CNTNAP2: variants seen among roughly 807,000 people sequenced by gnomAD.
The protein encoded by CNTNAP2 is contactin associated protein 2, also known as contactin-associated protein-like 2.
CNTNAP2 carries 98 observed loss-of-function variants against 155.2 expected under a neutral mutation model. That is an observed-to-expected ratio of 0.63 (90% CI 0.54 to 0.75). The LOEUF is 0.75. Among genes scored for constraint, CNTNAP2 ranks in the 30% least tolerant of loss-of-function variants. The pLI is 0.00. For missense variants in CNTNAP2, 1,727 were observed against 1,688.1 expected (o/e 1.02, Z -0.40); for synonymous variants, 651 against 631.2 (o/e 1.03, Z -0.47).
intron 17 of CNTNAP2, among the ~76,000 whole-genome samples, chr7:148,161,538 A>G (rs1805540085): frequency 6.6e-6 from 1 of 151,892 alleles, no homozygotes; most frequent in Non-Finnish European, 1.5e-5. Context: ...CATGTCCCTC[A>G]CCCACCTCCC....
At position 147,308,375 on chromosome 7, in the gene CNTNAP2, G is replaced by A. The variant is rs377119401; in HGVS notation, c.1498+8085G>A. ...TTTTGGTAAAAGGCTGTAGTTGGAT[G>A]AGGGAGAACAGTGGCAACTATTGCA... On this transcript the variant is annotated intron_variant, in intron 9 of 23. Coordinates refer to ENST00000361727, the MANE Select transcript of CNTNAP2 (RefSeq NM_014141.6). Among the ~76,000 whole-genome samples the A allele has an allele frequency of 3.3e-5, 5 of 152,178 alleles. No individual in the cohort carries two copies. The South Asian group carries it at 8.3e-4, about 25-fold the overall frequency.
intron 13 of CNTNAP2, among the ~76,000 whole-genome samples, chr7:147,812,911 A>T (rs1415633795): frequency 6.6e-6 from 1 of 152,144 alleles, no homozygotes; most frequent in Admixed American, 6.5e-5. Context: ...CATACCTATT[A>T]AGAGATCTGT....
intron 1 of CNTNAP2, among the ~76,000 whole-genome samples, chr7:146,300,549 A>G (rs1800589780): frequency 1.3e-5 from 2 of 152,076 alleles, no homozygotes; most frequent in African/African-American, 2.4e-5. Context: ...AAAATGTTAT[A>G]TTTTCCATAT....
At chr7:147,309,122 G>C (rs1408539197) in intron 9 of CNTNAP2, among the ~76,000 whole-genome samples, 3 of 152,102 alleles carry the variant, frequency 2.0e-5, no homozygotes, top group African/African-American at 4.8e-5. Context: ...ATACTACTGG[G>C]GTTGGAGGGG....
chr7:147,084,040 G>A (rs10265461), intron 4 of CNTNAP2, among the ~76,000 whole-genome samples: 3 of 123,070 alleles, frequency 2.4e-5, no homozygotes, highest in East Asian at 4.7e-4. Flanking sequence ...ATACATATAT[G>A]CATAATGCTA....
Position 146,928,817 on chromosome 7 carries a change from C to T in CNTNAP2, c.402+88913C>T, listed in dbSNP as rs184555586. ...CCTGGCTCGGAGGGTCCTACGCCCACGGAGTCTCGCTGGTTGCTAGCACAG... is the reference window on the plus strand; with the variant it reads ...CCTGGCTCGGAGGGTCCTACGCCCATGGAGTCTCGCTGGTTGCTAGCACAG... On this transcript the variant is annotated intron_variant, in intron 3 of 23. Transcript: ENST00000361727. Among the ~76,000 whole-genome samples the T allele has an allele frequency of 9.4e-3, 1,435 of 152,308 alleles. 11 individuals carry two copies. Among genetic ancestry groups the T allele is most frequent in the Middle Eastern group, 0.051 (15 of 294 alleles).
intron 1 of CNTNAP2, among the ~76,000 whole-genome samples, chr7:146,267,506 A>C (rs1165170970): frequency 1.3e-5 from 2 of 152,148 alleles, no homozygotes; most frequent in African/African-American, 4.8e-5. Context: ...TATATCTTGA[A>C]ATTTAAACCC....
chr7:148,000,186 G>T (rs543944251), intron 15 of CNTNAP2, among the ~76,000 whole-genome samples: 1 of 152,118 alleles, frequency 6.6e-6, no homozygotes, highest in Non-Finnish European at 1.5e-5. Flanking sequence ...GACACCCACC[G>T]CTCCCCTGCA....
At chr7:147,426,101 G>A (rs1797373194) in intron 10 of CNTNAP2, among the ~76,000 whole-genome samples, 1 of 151,876 alleles carries the variant, frequency 6.6e-6, no homozygotes, top group African/African-American at 2.4e-5. Context: ...CCAAGATTCT[G>A]TATCAGTCAG....
chr7:148,190,891 G>A (rs1275027472), intron 18 of CNTNAP2: 1 of 151,436 alleles, frequency 6.6e-6, no homozygotes, highest in Non-Finnish European at 1.5e-5. Context: ...AGCAAAAAAA[G>A]AAAAATAGAA....
At position 146,161,598 on chromosome 7, in the gene CNTNAP2, T is replaced by C. The variant is rs148663340; in HGVS notation, c.97+44625T>C. ...AATGGCCATACTACCCAAGGTAATT[T>C]ATAGATTCAATGGCATCACCATCAA... On this transcript the variant is annotated intron_variant, in intron 1 of 23. Coordinates refer to ENST00000361727, the MANE Select transcript of CNTNAP2 (RefSeq NM_014141.6). Among the ~76,000 whole-genome samples the C allele has an allele frequency of 1.8e-4, 27 of 152,318 alleles. No individual in the cohort carries two copies. In the East Asian group the frequency reaches 4.8e-3, roughly 27 times the overall value.
intron 1 of CNTNAP2, among the ~76,000 whole-genome samples, chr7:146,386,026 G>A (rs1218385739): frequency 6.6e-6 from 1 of 152,034 alleles, no homozygotes; most frequent in African/African-American, 2.4e-5. Context: ...GCAGATTACT[G>A]GCCTCATTCC....
chr7:146,305,840 G>A (rs1443983468), intron 1 of CNTNAP2, among the ~76,000 whole-genome samples: 1 of 152,070 alleles, frequency 6.6e-6, no homozygotes, highest in Non-Finnish European at 1.5e-5. Context: ...AAAAGAACTA[G>A]AGAAGCAAGA....
At chr7:146,890,355 C>A (rs1241279261) in intron 3 of CNTNAP2, among the ~76,000 whole-genome samples, 1 of 152,090 alleles carries the variant, frequency 6.6e-6, no homozygotes, top group Non-Finnish European at 1.5e-5. Context: ...GTGCTTTGCC[C>A]AAGGACCCAC....
chr7:148,229,751 C>T lies in CNTNAP2; in HGVS notation c.3353C>T (p.Thr1118Ile), dbSNP rs888942498. 2 of 1,614,064 alleles carry T rather than the reference C, an allele frequency of 1.2e-6. No homozygotes were observed. Among genetic ancestry groups the T allele is most frequent in the Non-Finnish European group, 1.7e-6 (2 of 1,180,002 alleles). ...GGACAGCCCCACAGTGTCAACATCA[C>T]CCGCCACGAGAAGACCATCTTTCTC... Reference protein sequence around the residue: ...ANGQPHSVNITRHEKTIFLKL... With the variant: ...ANGQPHSVNIIRHEKTIFLKL... Residue 1118 changes from threonine (T) to isoleucine (I), a missense_variant, in exon 20 of 24, where the codon ACC (threonine) becomes ATC (isoleucine). Coordinates refer to ENST00000361727, the MANE Select transcript of CNTNAP2 (RefSeq NM_014141.6).
Position 147,396,038 on chromosome 7 carries a change from A to G in CNTNAP2, c.1670+258A>G, listed in dbSNP as rs189125369. Among the ~76,000 whole-genome samples the G allele has an allele frequency of 5.4e-5, 8 of 148,216 alleles. No homozygotes were observed. The East Asian group carries it at 1.6e-3, about 29-fold the overall frequency. On this transcript the variant is annotated intron_variant, in intron 10 of 23. Transcript: ENST00000361727. The stretch of plus-strand genomic sequence containing the variant: ...ATATGCTATATATGAGATATATCCT[A>G]TATGTGCTATATGAGATATATCATA...
chr7:146,804,774 G>A (rs1802938526), intron 2 of CNTNAP2, among the ~76,000 whole-genome samples: 1 of 152,108 alleles, frequency 6.6e-6, no homozygotes, highest in African/African-American at 2.4e-5. Flanking sequence ...CACTCAACTG[G>A]TCTAAAGCAG....
At chr7:147,003,838 G>C (rs1178723754) in intron 3 of CNTNAP2, among the ~76,000 whole-genome samples, 1 of 151,872 alleles carries the variant, frequency 6.6e-6, no homozygotes, top group Non-Finnish European at 1.5e-5. Flanking sequence ...GACCAGTCTG[G>C]ACTAATATAG....
chr7:147,464,604 G>A (rs2373132), intron 10 of CNTNAP2, among the ~76,000 whole-genome samples: 118,839 of 152,010 alleles, frequency 0.78, 46,819 homozygotes, highest in African/African-American at 0.88. Context: ...TAAAATAAAG[G>A]CATTAAATAA....
Sources: allele counts gnomAD v4.1 joint callset (sites outside exome capture counted in the v4.1 genomes callset), GRCh38; gene constraint gnomAD v4.1.1; transcripts MANE v1.5; gene names NCBI Gene and HGNC (gene_info 2026-07-23, HGNC 2026-07-21).